The following NFIA variants were observed in gnomAD, a reference collection of about 807,000 sequenced individuals.
NFIA encodes nuclear factor 1 A-type.
Under a neutral mutation model 62.8 loss-of-function variants are expected in NFIA, and 8 were observed. The ratio of observed to expected loss-of-function variants is 0.13; its 90% confidence interval spans 0.07 to 0.23. The LOEUF (loss-of-function observed/expected upper bound fraction) is 0.23, where lower values mean the gene tolerates loss of function less well. NFIA is among the 10% of genes least tolerant of loss of function. The pLI is 1.00. For synonymous variants in NFIA, 235 were observed against 238.1 expected, an observed-to-expected ratio of 0.99 and a Z score of 0.12; for missense variants, 410 against 642.1, an observed-to-expected ratio of 0.64 and a Z score of 3.91.
chr1:61,461,975 T>A lies in NFIA; in HGVS notation c.*6655T>A, dbSNP rs1668548121. 2.0e-5 allele frequency: 3 copies of A among 151,972 alleles called. No individual in the cohort carries two copies. In the South Asian group the frequency reaches 6.2e-4, roughly 32 times the overall value. 9.4% of individuals were successfully genotyped at this position (151,972 alleles called of 1,614,324 possible). ...TTTGACTTATTTGTGTTGTTCTTAT[T>A]TTTTAAATTTTTATTTTTTGATAAT... is the stretch of plus-strand genomic sequence containing the variant. On this transcript the variant is annotated 3_prime_UTR_variant, in exon 11 of 11. Transcript: ENST00000403491.
chr1:61,223,871 CCTT>C (rs1464116187), intron 2 of NFIA, among the ~76,000 whole-genome samples: 2 of 152,136 alleles, frequency 1.3e-5, no homozygotes, highest in South Asian at 2.1e-4. Flanking sequence ...ATCTCAGAAA[CCTT>C]CTAGAAAAAT....
At chr1:61,126,500 T>G (rs1451055648) in intron 2 of NFIA, among the ~76,000 whole-genome samples, 1 of 110,452 alleles carries the variant, frequency 9.1e-6, no homozygotes, top group Non-Finnish European at 2.0e-5. Context: ...TCTTATTGAC[T>G]GCAATCCATC....
At chr1:61,436,518 G>A (rs1489281915) in intron 10 of NFIA, among the ~76,000 whole-genome samples, 1 of 152,152 alleles carries the variant, frequency 6.6e-6, no homozygotes, top group African/African-American at 2.4e-5. Flanking sequence ...GGCTTTCCCA[G>A]GGCTTCTAAT....
chr1:61,347,334 C>T (rs558828627), intron 4 of NFIA, among the ~76,000 whole-genome samples: 196 of 151,926 alleles, frequency 1.3e-3, no homozygotes, highest in Middle Eastern at 0.01. Context: ...CCACCACGCC[C>T]GGCTAATTTT....
chr1:61,082,073 GGGGGGAT>G, upstream of NFIA: 1 of 1,534,494 alleles, frequency 6.5e-7, no homozygotes, highest in Non-Finnish European at 8.8e-7. Flanking sequence ...CAGCGGGGGT[GGGGGGAT>G]GGGGACGAGG....
At chr1:61,179,211 T>G (rs1299629878) in intron 2 of NFIA, among the ~76,000 whole-genome samples, 1 of 152,246 alleles carries the variant, frequency 6.6e-6, no homozygotes, top group Non-Finnish European at 1.5e-5. Flanking sequence ...ACATTTGCTT[T>G]TGAAGCCAGC....
intron 2 of NFIA, among the ~76,000 whole-genome samples, chr1:61,201,889 T>G: frequency 6.6e-6 from 1 of 152,170 alleles, no homozygotes; most frequent in Middle Eastern, 3.2e-3. Flanking sequence ...TTTAATAAAG[T>G]ATGCTGACAT....
upstream of NFIA, among the ~76,000 whole-genome samples, chr1:61,080,017 C>G (rs1044557270): frequency 1.3e-5 from 2 of 152,092 alleles, no homozygotes; most frequent in Non-Finnish European, 2.9e-5. Flanking sequence ...GCCTCCCCCC[C>G]TCCCTCCGCG....
chr1:61,232,318 G>A (rs1396562407), intron 2 of NFIA, among the ~76,000 whole-genome samples: 1 of 151,964 alleles, frequency 6.6e-6, no homozygotes, highest in Non-Finnish European at 1.5e-5. Context: ...CTGAGTGATT[G>A]GGCTAGACTC....
At chr1:61,081,960 C>T (rs1178091803), upstream of NFIA, 4 of 1,550,498 alleles carry the variant, frequency 2.6e-6, no homozygotes, top group Non-Finnish European at 2.6e-6. Context: ...ATGTGCCGCC[C>T]GGCCTCCTCC....
intron 2 of NFIA, among the ~76,000 whole-genome samples, chr1:61,130,241 C>T (rs1302223855): frequency 6.6e-6 from 1 of 152,176 alleles, no homozygotes; most frequent in East Asian, 1.9e-4. Flanking sequence ...CTGGGGTTTA[C>T]ATTATGTTAC....
Position 61,190,312 on chromosome 1 carries a change from A to G in NFIA, c.560-87208A>G, listed in dbSNP as rs79457897. On this transcript the variant is annotated intron_variant, in intron 2 of 10. Transcript: ENST00000403491. ...AATTAATTCTTTCCGCAGCAGCACC[A>G]TGAGGTTGGCGGTTCCTTTATTTGC... is the stretch of plus-strand genomic sequence containing the variant. Among the ~76,000 whole-genome samples, 35 of 152,300 alleles carry G rather than the reference A, an allele frequency of 2.3e-4. 1 individual carries two copies. In the East Asian group the frequency reaches 5.6e-3, roughly 24 times the overall value.
chr1:61,113,575 CAA>C (rs1646742416), intron 2 of NFIA, among the ~76,000 whole-genome samples: 1 of 87,748 alleles, frequency 1.1e-5, no homozygotes. Flanking sequence ...GCCTGGGCAA[CAA>C]GAGTGAAACT....
chr1:61,141,281 A>C lies in NFIA; in HGVS notation c.559+52601A>C, dbSNP rs558171776. 3.3e-5 allele frequency among the ~76,000 whole-genome samples: 5 copies of C among 152,200 alleles called. No homozygotes were observed. The East Asian group carries it at 9.7e-4, about 29-fold the overall frequency. On this transcript the variant is annotated intron_variant, in intron 2 of 10. Coordinates refer to ENST00000403491, the MANE Select transcript of NFIA (RefSeq NM_001134673.4). ...AAAAACAACAGAAACCCAAGTTAAC[A>C]TCTCCTTGCAATATCTGATCTGTTT...
chr1:61,445,696 TG>T (rs1330210576), intron 10 of NFIA, among the ~76,000 whole-genome samples: 1 of 152,262 alleles, frequency 6.6e-6, no homozygotes, highest in African/African-American at 2.4e-5. Flanking sequence ...TATCCAGAGT[TG>T]TTGGTTCAGG....
intron 10 of NFIA, among the ~76,000 whole-genome samples, chr1:61,439,962 C>T (rs1326562689): frequency 6.6e-6 from 1 of 152,150 alleles, no homozygotes; most frequent in Non-Finnish European, 1.5e-5. Flanking sequence ...CCTGTAGACC[C>T]TAACATAAAT....
At chr1:61,196,320 G>A (rs897230419) in intron 2 of NFIA, among the ~76,000 whole-genome samples, 7 of 152,128 alleles carry the variant, frequency 4.6e-5, no homozygotes, top group Non-Finnish European at 8.8e-5. Context: ...CCAATATTCT[G>A]CCTTACTTAG....
At chr1:61,160,212 A>G (rs888634751) in intron 2 of NFIA, among the ~76,000 whole-genome samples, 6 of 152,144 alleles carry the variant, frequency 3.9e-5, no homozygotes, top group Non-Finnish European at 8.8e-5. Flanking sequence ...TCATCTTTAA[A>G]ATAAGGGCTT....
intron 3 of NFIA, among the ~76,000 whole-genome samples, chr1:61,312,469 C>T (rs973681440): frequency 5.3e-5 from 8 of 151,904 alleles, no homozygotes; most frequent in African/African-American, 1.7e-4. Flanking sequence ...TCACTGCTGA[C>T]CTTCTCCCCA....
Sources: allele counts gnomAD v4.1 joint callset (sites outside exome capture counted in the v4.1 genomes callset), GRCh38; gene constraint gnomAD v4.1.1; transcripts MANE v1.5; gene names NCBI Gene and HGNC (gene_info 2026-07-23, HGNC 2026-07-21).